Variants in B3GALT1 observed in about 807,000 individuals in gnomAD.
B3GALT1 encodes the protein beta-1,3-galactosyltransferase 1.
In B3GALT1, 10 loss-of-function variants were observed where a neutral mutation model predicts 23.2. The observed-to-expected ratio is 0.43, with a 90% CI of 0.27 to 0.73. The LOEUF (loss-of-function observed/expected upper bound fraction) is 0.73, where lower values mean the gene tolerates loss of function less well. Among genes scored for constraint, B3GALT1 ranks in the 30% least tolerant of loss-of-function variants. The pLI, the probability that B3GALT1 is intolerant of heterozygous loss-of-function variation, is 0.21. For synonymous variants in B3GALT1, 156 were observed against 141.5 expected, an observed-to-expected ratio of 1.10 and a Z score of -0.73; for missense variants, 299 against 405.4, an observed-to-expected ratio of 0.74 and a Z score of 2.25.
At chr2:167,650,162 A>G (rs1685835961) in intron 3 of B3GALT1, among the ~76,000 whole-genome samples, 1 of 151,460 alleles carries the variant, frequency 6.6e-6, no homozygotes, top group Admixed American at 6.6e-5. Flanking sequence ...CTCTGCAGCA[A>G]TTAAGAAGAC....
At chr2:167,587,531 G>C (rs1302695668) in intron 2 of B3GALT1, among the ~76,000 whole-genome samples, 3 of 152,190 alleles carry the variant, frequency 2.0e-5, no homozygotes, top group African/African-American at 7.2e-5. Context: ...TCTACCAAAT[G>C]CTGTCTCTTG....
At chr2:167,523,389 T>C (rs910811757) in intron 2 of B3GALT1, among the ~76,000 whole-genome samples, 2 of 151,184 alleles carry the variant, frequency 1.3e-5, no homozygotes, top group African/African-American at 4.9e-5. Flanking sequence ...TTTCCCCTCC[T>C]CAGGAGCAAC....
At chr2:167,826,210 C>T (rs769260497) in intron 4 of B3GALT1, among the ~76,000 whole-genome samples, 1 of 152,136 alleles carries the variant, frequency 6.6e-6, no homozygotes, top group Admixed American at 6.5e-5. Context: ...CACTTGACTC[C>T]CGGTCTTGCG....
At chr2:167,618,930 C>T (rs796917549) in intron 2 of B3GALT1, among the ~76,000 whole-genome samples, 5 of 151,926 alleles carry the variant, frequency 3.3e-5, no homozygotes, top group African/African-American at 7.2e-5. Context: ...TAGCTTCATG[C>T]ACCCTAATGT....
chr2:167,321,891 A>G (rs1356956830), intron 1 of B3GALT1, among the ~76,000 whole-genome samples: 2 of 152,088 alleles, frequency 1.3e-5, no homozygotes, highest in African/African-American at 4.8e-5. Flanking sequence ...AAGCTTTTTA[A>G]TAAAGAGAAT....
At chr2:167,580,140 C>G (rs971412458) in intron 2 of B3GALT1, among the ~76,000 whole-genome samples, 1 of 152,176 alleles carries the variant, frequency 6.6e-6, no homozygotes, top group Middle Eastern at 3.4e-3. Context: ...CTGTGGTAAG[C>G]CACAAATGGG....
chr2:167,701,021 C>G (rs1686874278), intron 3 of B3GALT1, among the ~76,000 whole-genome samples: 1 of 152,122 alleles, frequency 6.6e-6, no homozygotes, highest in African/African-American at 2.4e-5. Flanking sequence ...TGGATTGTGC[C>G]TAGCACAATA....
intron 4 of B3GALT1, among the ~76,000 whole-genome samples, chr2:167,819,821 A>G (rs1022569053): frequency 2.6e-5 from 4 of 152,186 alleles, no homozygotes; most frequent in African/African-American, 9.7e-5. Context: ...TATTTACAAA[A>G]TTCATAGTAA....
At chr2:167,836,080 G>A (rs934670896) in intron 4 of B3GALT1, among the ~76,000 whole-genome samples, 2 of 152,078 alleles carry the variant, frequency 1.3e-5, no homozygotes, top group South Asian at 2.1e-4. Flanking sequence ...CAAAGATGGG[G>A]AAAAAACAGA....
At chr2:167,704,590 A>G (rs552465574) in intron 3 of B3GALT1, among the ~76,000 whole-genome samples, 3 of 152,164 alleles carry the variant, frequency 2.0e-5, no homozygotes, top group African/African-American at 7.2e-5. Context: ...GCCTCTAAAG[A>G]TTTTAAAGGA....
chr2:167,589,717 A>G (rs1017228864), intron 2 of B3GALT1, among the ~76,000 whole-genome samples: 1 of 152,106 alleles, frequency 6.6e-6, no homozygotes, highest in Non-Finnish European at 1.5e-5. Context: ...TTAAAATTAT[A>G]TATTATTTTG....
At chr2:167,705,752 A>C (rs549975047) in intron 3 of B3GALT1, among the ~76,000 whole-genome samples, 5 of 152,342 alleles carry the variant, frequency 3.3e-5, no homozygotes, top group Admixed American at 3.3e-4. Context: ...TGAGGACATA[A>C]AAGTCACACT....
chr2:167,396,065 CA>C (rs1201607364), intron 1 of B3GALT1, among the ~76,000 whole-genome samples: 1 of 152,096 alleles, frequency 6.6e-6, no homozygotes, highest in Non-Finnish European at 1.5e-5. Context: ...AAATGAAGTT[CA>C]AGGGCTTCAA....
intron 3 of B3GALT1, among the ~76,000 whole-genome samples, chr2:167,779,881 CTA>C (rs1266148548): frequency 1.3e-5 from 2 of 152,108 alleles, no homozygotes; most frequent in African/African-American, 2.4e-5. Context: ...TTGAGGAAAA[CTA>C]TTAAAAGATT....
chr2:167,849,212 T>A (rs898272100), intron 4 of B3GALT1, among the ~76,000 whole-genome samples: 1 of 152,124 alleles, frequency 6.6e-6, no homozygotes, highest in African/African-American at 2.4e-5. Context: ...TCATTCTTCA[T>A]AGAATTAGGA....
intron 3 of B3GALT1, among the ~76,000 whole-genome samples, chr2:167,654,104 C>T (rs1478333881): frequency 6.6e-6 from 1 of 152,112 alleles, no homozygotes; most frequent in Non-Finnish European, 1.5e-5. Flanking sequence ...GACATCCAGG[C>T]TTCAGCGCTT....
intron 3 of B3GALT1, among the ~76,000 whole-genome samples, chr2:167,762,711 G>T (rs1016261061): frequency 3.7e-4 from 57 of 152,126 alleles, no homozygotes; most frequent in African/African-American, 1.3e-3. Flanking sequence ...GGTATGACTG[G>T]GCTCCTTTCT....
intron 4 of B3GALT1, among the ~76,000 whole-genome samples, chr2:167,841,008 T>C (rs1209589071): frequency 1.7e-5 from 2 of 117,704 alleles, no homozygotes; most frequent in Admixed American, 1.1e-4. Flanking sequence ...GGGAACATCA[T>C]ACCCTGGGGA....
intron 1 of B3GALT1, among the ~76,000 whole-genome samples, chr2:167,358,358 A>G (rs1355871933): frequency 6.6e-6 from 1 of 152,200 alleles, no homozygotes; most frequent in Non-Finnish European, 1.5e-5. Context: ...TTTATGGGCT[A>G]TTGATTACAT....
Sources: gnomAD v4.1 joint callset for allele counts (sites outside exome capture counted in the v4.1 genomes callset) on GRCh38, gnomAD v4.1.1 for gene constraint, MANE v1.5 for transcripts, NCBI Gene and HGNC (gene_info 2026-07-23, HGNC 2026-07-21) for gene names.